IGSF9B: variants seen among roughly 807,000 people sequenced by gnomAD.
IGSF9B encodes immunoglobulin superfamily member 9B.
Under a neutral mutation model 143.7 loss-of-function variants are expected in IGSF9B, and 48 were observed. The ratio of observed to expected loss-of-function variants is 0.33; its 90% CI spans 0.26 to 0.42. IGSF9B has a LOEUF of 0.42. IGSF9B is among the 20% of genes least tolerant of loss of function. IGSF9B has a pLI of 1.00. For synonymous variants in IGSF9B, 903 were observed against 833.1 expected, an observed-to-expected ratio of 1.08 and a Z score of -1.44; for missense variants, 1,706 against 1,980.0, an observed-to-expected ratio of 0.86 and a Z score of 2.63.
intron 18 of IGSF9B, among the ~76,000 whole-genome samples, chr11:133,918,609 G>T (rs892728867): frequency 2.6e-5 from 4 of 152,180 alleles, no homozygotes; most frequent in African/African-American, 9.6e-5. Flanking sequence ...GCAGCCCGCG[G>T]TGGGGCTGCG....
In IGSF9B at chr11:133,935,643, G is replaced by C; in HGVS notation, c.941C>G (p.Ser314Cys). 2 of 1,610,688 alleles carry C rather than the reference G, an allele frequency of 1.2e-6. No homozygotes were observed. The highest frequency in any genetic ancestry group is 1.7e-6 in the Non-Finnish European group (2 of 1,178,776). Residue 314 changes from serine (S) to cysteine (C), a missense_variant, in exon 7 of 20, where the codon TCC becomes TGC. Ser to Cys is a moderately radical substitution (Grantham distance 112). Transcript: ENST00000533871. ...VPSNSLGRSP[S>C]ASAYLTVQYP... ...CTGCACGGTCAGGTACGCCGAGGCG[G>C]AGGGGGAGCGCCCCAGGCTGTTGCT...
At chr11:133,942,996 G>A (rs571666066) in intron 3 of IGSF9B, among the ~76,000 whole-genome samples, 1 of 152,220 alleles carries the variant, frequency 6.6e-6, no homozygotes, top group South Asian at 2.1e-4. Flanking sequence ...GTTCTTCCAG[G>A]GTCCTGGACA....
intron 18 of IGSF9B, among the ~76,000 whole-genome samples, chr11:133,912,757 G>C (rs1348052608): frequency 3.9e-5 from 6 of 152,204 alleles, no homozygotes; most frequent in African/African-American, 1.2e-4. Flanking sequence ...AGAACGTGGT[G>C]AACCTCTGTA....
rs1310928264 is a variant in IGSF9B at position 133,898,300 on chromosome 11, CGA to C, written c.*10767_*10768del. 1 of 152,380 alleles carries C rather than the reference CGA, an allele frequency of 6.6e-6. No individual in the cohort carries two copies. Among genetic ancestry groups the C allele is most frequent in the African/African-American group, 2.4e-5 (1 of 41,448 alleles). The allele number at this position is 152,380 out of a possible 1,614,324, so 9.4% of individuals were successfully genotyped here. A position where few individuals can be genotyped will look rare whatever the true frequency, so the allele number is the denominator to read the frequency against. On this transcript the variant is annotated 3_prime_UTR_variant, in exon 20 of 20. Coordinates refer to ENST00000533871, the MANE Select transcript of IGSF9B (RefSeq NM_001277285.4). ...ACTACAGCAAGAGGCTGCCGCGCAC[CGA>C]GAGGTACAGAGTTTGTAAGGGGTCT...
intron 18 of IGSF9B, among the ~76,000 whole-genome samples, chr11:133,912,593 G>C (rs537630881): frequency 6.6e-6 from 1 of 152,260 alleles, no homozygotes; most frequent in South Asian, 2.1e-4. Flanking sequence ...ACAAATACTT[G>C]TCATATACCA....
chr11:133,937,661 C>T, intron 4 of IGSF9B, 149 bp downstream of exon 4: 3 of 1,124,742 alleles, frequency 2.7e-6, no homozygotes, highest in Non-Finnish European at 3.8e-6. Context: ...CCGCCAGCGA[C>T]ACAGAGACGC....
chr11:133,948,197 G>A lies in IGSF9B; in HGVS notation c.65-1939C>T, dbSNP rs117157959. Among the ~76,000 whole-genome samples the A allele has an allele frequency of 1.8e-3, 275 of 152,036 alleles. No homozygotes were observed. Among genetic ancestry groups the A allele is most frequent in the Admixed American group, 3.0e-3 (46 of 15,274 alleles). ...TGTACTTCTGTGTCTGTGGCTCTCC[G>A]TGTCTGTCTGTATGTCATCTCTGTG... is the stretch of plus-strand genomic sequence containing the variant. On this transcript the variant is annotated intron_variant, in intron 1 of 19. Transcript: ENST00000533871. The surrounding 1 kb of genome is among the most constrained non-coding windows in gnomAD (Gnocchi z 4.7).
Position 133,948,073 on chromosome 11 carries a change from G to GTC in IGSF9B, c.65-1816_65-1815insGA, listed in dbSNP as rs1940090185. Among the ~76,000 whole-genome samples the GTC allele has an allele frequency of 2.1e-5, 3 of 143,820 alleles. No homozygotes were observed. In the South Asian group the frequency reaches 6.7e-4, roughly 32 times the overall value. The allele number at this position is 143,820 out of a possible 152,430, so 94.4% of individuals were successfully genotyped here. Reference sequence around the variant, plus strand: ...CATGTGTGCGTGTGTGTGTGTGTGTGTGTGTGTGTGTGTGTGTCTGTGTGT... The same window carrying GTC: ...CATGTGTGCGTGTGTGTGTGTGTGTGTCTGTGTGTGTGTGTGTGTCTGTGTGT... On this transcript the variant is annotated intron_variant, in intron 1 of 19. Transcript: ENST00000533871. The surrounding 1 kb of genome is among the most constrained non-coding windows in gnomAD (Gnocchi z 4.7).
At position 133,920,097 on chromosome 11, in the gene IGSF9B, T is replaced by G; in HGVS notation, c.3628A>C (p.Ser1210Arg). The G allele has an allele frequency of 6.6e-7, 1 of 1,519,254 alleles. No individual in the cohort carries two copies. The highest frequency in any genetic ancestry group is 1.3e-5 in the South Asian group (1 of 76,196). The allele number at this position is 1,519,254 out of a possible 1,614,324, so 94.1% of individuals were successfully genotyped here. Residue 1210 changes from serine to arginine, a missense_variant, in exon 18 of 20, where the codon AGC becomes CGC. Coordinates refer to ENST00000533871, the MANE Select transcript of IGSF9B (RefSeq NM_001277285.4). ...RLSPLTQSPL[S>R]SRTGSPELAA... ...AGCTCAGGGGAGCCGGTGCGGGAGC[T>G]GAGGGGGCTTTGGGTCAGAGGTGAG...
At position 133,899,534 on chromosome 11, in the gene IGSF9B, G is replaced by A. The variant is rs951765757; in HGVS notation, c.*9535C>T. Reference sequence around the variant, plus strand: ...CTCCCCAAAATGAAGAGTCCTGTTGGAGGCTGAGGAATAGAATGGTGACAT... The same window carrying A: ...CTCCCCAAAATGAAGAGTCCTGTTGAAGGCTGAGGAATAGAATGGTGACAT... On this transcript the variant is annotated 3_prime_UTR_variant, in exon 20 of 20. Transcript: ENST00000533871. 2.6e-5 allele frequency: 4 copies of A among 152,426 alleles called. No homozygotes were observed. Among genetic ancestry groups the A allele is most frequent in the African/African-American group, 9.6e-5 (4 of 41,476 alleles). The allele number at this position is 152,426 out of a possible 1,614,324, so 9.4% of individuals were successfully genotyped here. A position where few individuals can be genotyped will look rare whatever the true frequency, so the allele number is the denominator to read the frequency against.
chr11:133,922,805 A>C (rs553992787), intron 15 of IGSF9B, 75 bp from the exon 16 acceptor site: 7 of 1,368,294 alleles, frequency 5.1e-6, no homozygotes, highest in Non-Finnish European at 5.9e-6. Context: ...TCAGTCCCCA[A>C]GTGTTTCACC....
rs1940205330 is a variant in IGSF9B, at chr11:133,953,781, A to G, written c.64+2910T>C. ...CCCAGGGTCCTCCCACAGAGTAGGA[A>G]CTCCCCCGGGCTGGCTCAGCAGCCG... On this transcript the variant is annotated intron_variant, in intron 1 of 19. Coordinates refer to ENST00000533871, the MANE Select transcript of IGSF9B (RefSeq NM_001277285.4). This position sits in a 1 kb window ranked among gnomAD's most constrained non-coding sequence, Gnocchi z 4.2. Among the ~76,000 whole-genome samples the G allele has an allele frequency of 6.6e-6, 1 of 151,684 alleles. No individual in the cohort carries two copies. Among genetic ancestry groups the G allele is most frequent in the Non-Finnish European group, 1.5e-5 (1 of 67,942 alleles).
At position 133,932,362 on chromosome 11, in the gene IGSF9B, AGACAGAC is replaced by A. The variant is rs1370699737; in HGVS notation, c.968-156_968-150del. Reference sequence around the variant, plus strand: ...CAGACAGACAGACAGACACAGGGACAGACAGACAGACACGGGGACAGACAGACAGACA... The same window carrying A: ...CAGACAGACAGACAGACACAGGGACAAGACACGGGGACAGACAGACAGACA... On this transcript the variant is annotated intron_variant, in intron 7 of 19. Transcript: ENST00000533871. The A allele has an allele frequency of 1.2e-4, 96 of 774,520 alleles. No individual in the cohort carries two copies. In the South Asian group the frequency reaches 1.5e-3, roughly 12 times the overall value. The allele number at this position is 774,520 out of a possible 1,614,324, so 48.0% of individuals were successfully genotyped here. A position where few individuals can be genotyped will look rare whatever the true frequency, so the allele number is the denominator to read the frequency against.
chr11:133,931,807 A>G lies in IGSF9B; in HGVS notation c.1111-12T>C. 6.2e-7 allele frequency: 1 copy of G among 1,610,774 alleles called. No homozygotes were observed. Among genetic ancestry groups the G allele is most frequent in the Non-Finnish European group, 8.5e-7 (1 of 1,179,096 alleles). On this transcript the variant is annotated splice_polypyrimidine_tract_variant and intron_variant, in intron 8 of 19. Coordinates refer to ENST00000533871, the MANE Select transcript of IGSF9B (RefSeq NM_001277285.4). The surrounding 1 kb of genome is among the most constrained non-coding windows in gnomAD (Gnocchi z 7.7). ...GTCCAACCGAGGTTCTGCCAGACACAGACGATAGGGCAGGGAACGCTGGTC... is the reference window on the plus strand; with the variant it reads ...GTCCAACCGAGGTTCTGCCAGACACGGACGATAGGGCAGGGAACGCTGGTC...
At chr11:133,938,178 T>C in intron 3 of IGSF9B, 1 of 559,528 alleles carries the variant, frequency 1.8e-6, no homozygotes, top group South Asian at 2.2e-5. Flanking sequence ...TTCTGTATTG[T>C]AGCTTATTCC....
intron 4 of IGSF9B, 130 bp from the exon 5 acceptor site, chr11:133,937,623 G>T: frequency 2.0e-6 from 2 of 991,792 alleles, no homozygotes; most frequent in Non-Finnish European, 3.0e-6. Flanking sequence ...TGGGGGACAC[G>T]AAGGGCAGGT....
At position 133,922,556 on chromosome 11, in the gene IGSF9B, G is replaced by A. The variant is rs1591713179; in HGVS notation, c.2281+13C>T. ...CGGGCCAGGGAGAGCAAGGGAAGGGGACAGACACCCACCTTTTTTGCGCTT... is the reference window on the plus strand; with the variant it reads ...CGGGCCAGGGAGAGCAAGGGAAGGGAACAGACACCCACCTTTTTTGCGCTT... On this transcript the variant is annotated intron_variant, in intron 16 of 19. Transcript: ENST00000533871. 5.0e-6 allele frequency: 8 copies of A among 1,606,098 alleles called. No individual in the cohort carries two copies. Among genetic ancestry groups the A allele is most frequent in the African/African-American group, 1.3e-5 (1 of 74,940 alleles).
rs1939232796 is a variant in IGSF9B, at chr11:133,907,839, C to A, written c.*1230G>T. On this transcript the variant is annotated 3_prime_UTR_variant, in exon 20 of 20. Coordinates refer to ENST00000533871, the MANE Select transcript of IGSF9B (RefSeq NM_001277285.4). ...GCGCCCTAGCTTCACCTGAGCTCATCCCCCTGCAGCTCAGGTCCACCGGAG... is the reference window on the plus strand; with the variant it reads ...GCGCCCTAGCTTCACCTGAGCTCATACCCCTGCAGCTCAGGTCCACCGGAG... 6.6e-6 allele frequency among the ~76,000 whole-genome samples: 1 copy of A among 152,230 alleles called. No individual in the cohort carries two copies. The highest frequency in any genetic ancestry group is 6.5e-5 in the Admixed American group (1 of 15,288).
At position 133,937,800 on chromosome 11, in the gene IGSF9B, C is replaced by G; in HGVS notation, c.561+10G>C. On this transcript the variant is annotated intron_variant, in intron 4 of 19. Transcript: ENST00000533871. ...AGACCGCAGCGGCCCCAACCTAGAA[C>G]CACACTCACCTGGTATTTCCCACTA... 6.2e-7 allele frequency: 1 copy of G among 1,608,596 alleles called. No individual in the cohort carries two copies. Among genetic ancestry groups the G allele is most frequent in the Non-Finnish European group, 8.5e-7 (1 of 1,177,278 alleles).
Sources: gnomAD v4.1 joint callset for allele counts (sites outside exome capture counted in the v4.1 genomes callset) on GRCh38, gnomAD v4.1.1 for gene constraint, Gnocchi (gnomAD v3.1) non-coding constraint, MANE v1.5 for transcripts, NCBI Gene and HGNC (gene_info 2026-07-23, HGNC 2026-07-21) for gene names.